The following EXOC4 variants were observed in gnomAD, a reference collection of about 807,000 sequenced individuals.
EXOC4 encodes the protein exocyst complex component 4.
In EXOC4, 71 loss-of-function variants were observed where a neutral mutation model predicts 107.2. The ratio of observed to expected loss-of-function variants is 0.66; its 90% CI spans 0.55 to 0.81. The LOEUF is 0.81. EXOC4 is among the 30% of genes least tolerant of loss of function. EXOC4 has a pLI of 0.00. For synonymous variants in EXOC4, 456 were observed against 441.2 expected (o/e 1.03, Z -0.42); for missense variants, 1,108 against 1,189.6 (o/e 0.93, Z 1.01).
intron 10 of EXOC4, among the ~76,000 whole-genome samples, chr7:133,636,541 A>G (rs188576054): frequency 1.3e-5 from 2 of 152,316 alleles, no homozygotes; most frequent in Non-Finnish European, 2.9e-5. Context: ...ATGAAGTAAT[A>G]TGTTTCTTAC....
At position 133,386,538 on chromosome 7, in the gene EXOC4, C is replaced by T. The variant is rs541249128; in HGVS notation, c.1182+11536C>T. Among the ~76,000 whole-genome samples, 5 of 152,252 alleles carry T rather than the reference C, an allele frequency of 3.3e-5. No individual in the cohort carries two copies. In the South Asian group the frequency reaches 1.0e-3, roughly 32 times the overall value. ...GCATTCTGGTAGTGAAGGGAGCAAT[C>T]CTTCACCACTTTAGTTTGTGCTGCT... On this transcript the variant is annotated intron_variant, in intron 7 of 17. Coordinates refer to ENST00000253861, the MANE Select transcript of EXOC4 (RefSeq NM_021807.4).
At chr7:133,477,541 C>G (rs1799047770) in intron 8 of EXOC4, among the ~76,000 whole-genome samples, 1 of 152,112 alleles carries the variant, frequency 6.6e-6, no homozygotes, top group Non-Finnish European at 1.5e-5. Flanking sequence ...CCATAGCTTG[C>G]TTATTTACCT....
chr7:134,074,978 A>C, the EXOC4 span, among the ~76,000 whole-genome samples: 1 of 152,218 alleles, frequency 6.6e-6, no homozygotes, highest in Non-Finnish European at 1.5e-5. Flanking sequence ...AGATGAAGGT[A>C]TGCAGTTTGT....
At chr7:133,427,355 C>G (rs983468628) in intron 7 of EXOC4, among the ~76,000 whole-genome samples, 2 of 152,178 alleles carry the variant, frequency 1.3e-5, no homozygotes, top group African/African-American at 4.8e-5. Context: ...GCATTGACAT[C>G]ACCTCTATAC....
intron 13 of EXOC4, among the ~76,000 whole-genome samples, chr7:133,925,029 GGTA>G (rs1800020141): frequency 2.0e-5 from 3 of 152,218 alleles, no homozygotes; most frequent in Admixed American, 6.5e-5. Context: ...ATTCCAATGT[GGTA>G]GACTTGACAG....
At chr7:133,899,399 G>A (rs1274551925) in intron 12 of EXOC4, among the ~76,000 whole-genome samples, 1 of 152,220 alleles carries the variant, frequency 6.6e-6, no homozygotes, top group Non-Finnish European at 1.5e-5. Context: ...ATGTCAAGTG[G>A]CTGGAAGCCA....
chr7:133,938,041 A>T lies in EXOC4; in HGVS notation c.2178A>T (p.Ser726=). The T allele has an allele frequency of 6.2e-7, 1 of 1,614,194 alleles. No individual in the cohort carries two copies. The highest frequency in any genetic ancestry group is 8.5e-7 in the Non-Finnish European group (1 of 1,180,036). ...AATGGTTGGCAAGTCGAACAAAGTC[A>T]GCTTTCTCCAATCTTTCTACATCCC... is the stretch of plus-strand genomic sequence containing the variant. ...SLEWLASRTK[S]AFSNLSTSQM... The change falls in exon 14 of 18, where the codon TCA becomes TCT. Residue 726 remains serine, a synonymous_variant. Transcript: ENST00000253861.
chr7:133,306,124 G>A, intron 4 of EXOC4, 63 bp downstream of exon 4: 6 of 1,351,214 alleles, frequency 4.4e-6, no homozygotes, highest in Non-Finnish European at 6.0e-6. Flanking sequence ...AATATTTTTT[G>A]TTTCCCAGAA....
At chr7:133,448,829 G>T (rs1434893736) in intron 7 of EXOC4, among the ~76,000 whole-genome samples, 1 of 152,170 alleles carries the variant, frequency 6.6e-6, no homozygotes, top group Admixed American at 6.5e-5. Context: ...TTTAGGCCAG[G>T]CGTGGTGGCT....
the EXOC4 span, among the ~76,000 whole-genome samples, chr7:134,092,006 A>T: frequency 6.6e-6 from 1 of 152,232 alleles, no homozygotes. Flanking sequence ...ATATGCAAAT[A>T]TTCCAAAATC....
At chr7:133,629,289 G>A (rs1383835869) in intron 9 of EXOC4, among the ~76,000 whole-genome samples, 1 of 152,082 alleles carries the variant, frequency 6.6e-6, no homozygotes, top group East Asian at 1.9e-4. Context: ...AGTGTGATCA[G>A]TTAGGCTTAT....
Position 133,757,644 on chromosome 7 carries a change from A to G in EXOC4, c.1515-59681A>G, listed in dbSNP as rs553288447. Reference sequence around the variant, plus strand: ...ACCCTTCTATATTAACATTCTTGCAATACTGCAGGACTGGATAAAGACAAG... The same window carrying G: ...ACCCTTCTATATTAACATTCTTGCAGTACTGCAGGACTGGATAAAGACAAG... On this transcript the variant is annotated intron_variant, in intron 10 of 17. Transcript: ENST00000253861. Among the ~76,000 whole-genome samples the G allele has an allele frequency of 5.9e-5, 9 of 152,348 alleles. No individual in the cohort carries two copies. In the South Asian group the frequency reaches 1.7e-3, roughly 28 times the overall value.
intron 14 of EXOC4, among the ~76,000 whole-genome samples, chr7:133,987,554 T>C (rs1794148420): frequency 6.6e-6 from 1 of 152,136 alleles, no homozygotes; most frequent in African/African-American, 2.4e-5. Context: ...TAGAAAACTG[T>C]GTGGTGTCTT....
At chr7:133,666,754 A>G (rs1793822809) in intron 10 of EXOC4, among the ~76,000 whole-genome samples, 1 of 152,174 alleles carries the variant, frequency 6.6e-6, no homozygotes, top group Non-Finnish European at 1.5e-5. Context: ...TGATTGCCAC[A>G]ATACCTGCTT....
chr7:134,011,436 C>T (rs183287314), intron 17 of EXOC4, among the ~76,000 whole-genome samples: 16 of 152,198 alleles, frequency 1.1e-4, no homozygotes, highest in African/African-American at 3.6e-4. Context: ...TCCTTTATTT[C>T]TCCAATAGCT....
intron 12 of EXOC4, among the ~76,000 whole-genome samples, chr7:133,902,919 A>T (rs1233765130): frequency 2.6e-5 from 4 of 152,072 alleles, no homozygotes; most frequent in African/African-American, 9.7e-5. Context: ...AAAGAAATGG[A>T]GTAAAGTAGA....
intron 14 of EXOC4, 136 bp from the exon 15 acceptor site, chr7:133,997,356 T>G: frequency 2.4e-6 from 2 of 816,510 alleles, no homozygotes; most frequent in South Asian, 3.6e-5. Context: ...GTCTATCATG[T>G]CTTGGACTTC....
chr7:133,782,899 T>G (rs1435626263), intron 10 of EXOC4, among the ~76,000 whole-genome samples: 1 of 152,152 alleles, frequency 6.6e-6, no homozygotes, highest in African/African-American at 2.4e-5. Flanking sequence ...TTCTGTATGG[T>G]CACTCGCCCA....
At chr7:133,730,148 C>T (rs957415736) in intron 10 of EXOC4, among the ~76,000 whole-genome samples, 1 of 146,978 alleles carries the variant, frequency 6.8e-6, no homozygotes, top group Admixed American at 6.9e-5. Context: ...TCAAGGATGA[C>T]AAACAAACAA....
Sources: gnomAD v4.1 joint callset for allele counts (sites outside exome capture counted in the v4.1 genomes callset) on GRCh38, gnomAD v4.1.1 for gene constraint, MANE v1.5 for transcripts, NCBI Gene and HGNC (gene_info 2026-07-23, HGNC 2026-07-21) for gene names.